STOX1: variants seen among roughly 807,000 people sequenced by gnomAD.
STOX1 encodes the protein storkhead-box protein 1.
A neutral mutation model predicts 74.8 loss-of-function variants in STOX1; 57 were observed. That is an observed-to-expected ratio of 0.76 (90% confidence interval 0.62 to 0.95). The LOEUF (loss-of-function observed/expected upper bound fraction) is 0.95. Ranked by LOEUF, STOX1 falls within the 40% of genes least tolerant of loss-of-function variation. The pLI is 0.00. For missense variants in STOX1, 1,010 were observed against 1,117.0 expected (o/e 0.90, Z 1.37); for synonymous variants, 375 against 401.3 (o/e 0.93, Z 0.78).
intron 3 of STOX1, among the ~76,000 whole-genome samples, chr10:68,889,777 T>C (rs1841054586): frequency 6.6e-6 from 1 of 152,048 alleles, no homozygotes; most frequent in Non-Finnish European, 1.5e-5. Flanking sequence ...TTGTCCAGGC[T>C]GGTCTTGAAC....
intron 1 of STOX1, among the ~76,000 whole-genome samples, chr10:68,873,285 G>A (rs1840582091): frequency 1.5e-5 from 2 of 136,706 alleles, no homozygotes; most frequent in South Asian, 4.6e-4. Flanking sequence ...TTTTGAGACG[G>A]AGTCTCGCTC....
chr10:68,843,310 C>T (rs1223845430), intron 1 of STOX1, among the ~76,000 whole-genome samples: 1 of 152,028 alleles, frequency 6.6e-6, no homozygotes, highest in Non-Finnish European at 1.5e-5. Flanking sequence ...GGGATTATAG[C>T]CGTGAGCCAC....
chr10:68,871,512 C>A (rs1589230988), intron 1 of STOX1, among the ~76,000 whole-genome samples: 1 of 152,204 alleles, frequency 6.6e-6, no homozygotes, highest in East Asian at 1.9e-4. Flanking sequence ...AGCTTTCCAG[C>A]AGAGGGTATT....
At chr10:68,873,560 CT>C (rs5785876) in intron 1 of STOX1, among the ~76,000 whole-genome samples, 32 of 102,180 alleles carry the variant, frequency 3.1e-4, no homozygotes, top group African/African-American at 3.9e-4. Flanking sequence ...CGCGCCTGGC[CT>C]TTTTTTTTTT....
intron 3 of STOX1, among the ~76,000 whole-genome samples, 195 bp downstream of exon 3, chr10:68,886,813 G>A (rs781093589): frequency 5.1e-4 from 78 of 152,048 alleles, no homozygotes; most frequent in Admixed American, 3.0e-3. Flanking sequence ...CCAGCTACTC[G>A]GGAGGCTGAG....
chr10:68,868,214 C>T (rs942086853), intron 1 of STOX1, among the ~76,000 whole-genome samples: 7 of 152,178 alleles, frequency 4.6e-5, no homozygotes, highest in South Asian at 2.1e-4. Flanking sequence ...AAAGTGGGAT[C>T]GGGGGGCTAA....
chr10:68,843,149 C>T (rs1839738393), intron 1 of STOX1, among the ~76,000 whole-genome samples: 1 of 152,230 alleles, frequency 6.6e-6, no homozygotes, highest in Admixed American at 6.5e-5. Context: ...AGCCATCCTT[C>T]TGCCTCAGCC....
intron 1 of STOX1, among the ~76,000 whole-genome samples, chr10:68,867,853 C>T (rs1840447098): frequency 6.6e-6 from 1 of 152,242 alleles, no homozygotes. Context: ...AAACCAGGGA[C>T]AATATTTCTC....
chr10:68,875,206 C>G (rs553637413), intron 1 of STOX1, among the ~76,000 whole-genome samples: 19 of 152,228 alleles, frequency 1.2e-4, no homozygotes, highest in Non-Finnish European at 2.4e-4. Context: ...CTCACGCCCC[C>G]CAACCTGGGG....
chr10:68,888,037 T>C (rs1841005218), intron 3 of STOX1, among the ~76,000 whole-genome samples: 1 of 152,152 alleles, frequency 6.6e-6, no homozygotes, highest in African/African-American at 2.4e-5. Context: ...AAAAATATTT[T>C]TTAAAACACC....
chr10:68,856,123 T>C (rs1840120412), intron 1 of STOX1, among the ~76,000 whole-genome samples: 1 of 151,960 alleles, frequency 6.6e-6, no homozygotes, highest in Non-Finnish European at 1.5e-5. Flanking sequence ...GGCAAAATGC[T>C]CTCCTCATGT....
intron 1 of STOX1, among the ~76,000 whole-genome samples, chr10:68,853,892 T>C (rs1416743873): frequency 6.6e-6 from 1 of 151,808 alleles, no homozygotes. Context: ...TCCATGTTGG[T>C]CAGGGTGGTC....
intron 1 of STOX1, among the ~76,000 whole-genome samples, chr10:68,837,288 A>G (rs1839580005): frequency 6.6e-6 from 1 of 152,244 alleles, no homozygotes; most frequent in African/African-American, 2.4e-5. Flanking sequence ...ATGTTAGCGT[A>G]GTGAGAAGCA....
intron 1 of STOX1, among the ~76,000 whole-genome samples, chr10:68,859,840 C>A (rs1202632204): frequency 6.6e-6 from 1 of 151,932 alleles, no homozygotes; most frequent in Non-Finnish European, 1.5e-5. Flanking sequence ...CTTCATCTTC[C>A]TAGTAGATGA....
At chr10:68,837,394 G>A (rs150545922) in intron 1 of STOX1, among the ~76,000 whole-genome samples, 146 of 152,310 alleles carry the variant, frequency 9.6e-4, no homozygotes, top group African/African-American at 3.4e-3. Context: ...AGCGGGAGGT[G>A]GGCGTTGGCA....
At chr10:68,862,819 C>G (rs1221888827) in intron 1 of STOX1, among the ~76,000 whole-genome samples, 1 of 152,076 alleles carries the variant, frequency 6.6e-6, no homozygotes, top group Non-Finnish European at 1.5e-5. Flanking sequence ...TGTGCAGCAC[C>G]TCTGCCTATT....
chr10:68,860,941 G>T (rs1168259361), intron 1 of STOX1, among the ~76,000 whole-genome samples: 2 of 152,076 alleles, frequency 1.3e-5, no homozygotes, highest in African/African-American at 4.8e-5. Flanking sequence ...GGGCGCGGTG[G>T]CTCACACCTG....
chr10:68,866,092 G>A (rs180903884), intron 1 of STOX1, among the ~76,000 whole-genome samples: 71 of 152,146 alleles, frequency 4.7e-4, no homozygotes, highest in African/African-American at 1.6e-3. Flanking sequence ...GATTGACTTT[G>A]AGGGCTGTAT....
At chr10:68,849,244 C>G (rs558839731) in intron 1 of STOX1, among the ~76,000 whole-genome samples, 1 of 152,254 alleles carries the variant, frequency 6.6e-6, no homozygotes, top group South Asian at 2.1e-4. Context: ...ACCTGGATTC[C>G]AGTCCTAACT....
Sources: gnomAD v4.1 joint callset for allele counts (sites outside exome capture counted in the v4.1 genomes callset) on GRCh38, gnomAD v4.1.1 for gene constraint, MANE v1.5 for transcripts, NCBI Gene and HGNC (gene_info 2026-07-23, HGNC 2026-07-21) for gene names.